The following MMAB variants were observed in gnomAD, a reference collection of about 807,000 sequenced individuals.
MMAB encodes metabolism of cobalamin associated B.
A neutral mutation model predicts 30.6 loss-of-function variants in MMAB; 17 were observed. The ratio of observed to expected loss-of-function variants is 0.56; its 90% CI spans 0.38 to 0.83. The LOEUF (loss-of-function observed/expected upper bound fraction) is 0.83. MMAB is among the 40% of genes least tolerant of loss of function. The pLI is 0.00. For missense variants in MMAB, 311 were observed against 331.6 expected (o/e 0.94, Z 0.48); for synonymous variants, 134 against 138.6 (o/e 0.97, Z 0.23).
rs932446735 is a variant in MMAB at position 109,561,396 on chromosome 12, C to A, written c.519+24G>T. On this transcript the variant is annotated intron_variant, in intron 6 of 8. Coordinates refer to ENST00000545712, the MANE Select transcript of MMAB (RefSeq NM_052845.4). This position sits in a 1 kb window ranked among gnomAD's most constrained non-coding sequence, Gnocchi z 5.3. ...CACTGAACCTGCCTGCAGCCGCCCC[C>A]GGTTAAGCCTGCCCAGTACCTACAG... The A allele has an allele frequency of 6.5e-7, 1 of 1,548,702 alleles. No homozygotes were observed. Among genetic ancestry groups the A allele is most frequent in the African/African-American group, 1.4e-5 (1 of 73,026 alleles).
chr12:109,564,876 ATTATG>A (rs1159999672), intron 4 of MMAB: 4 of 610,040 alleles, frequency 6.6e-6, no homozygotes, highest in Non-Finnish European at 1.2e-5. Flanking sequence ...TCAGGGTCTT[ATTATG>A]TTACCTAGGC....
At chr12:109,566,278 C>A (rs774608914) in intron 3 of MMAB, among the ~76,000 whole-genome samples, 1 of 152,230 alleles carries the variant, frequency 6.6e-6, no homozygotes, top group Non-Finnish European at 1.5e-5. Flanking sequence ...GGCACAGCCA[C>A]CAGGTGATAA....
At chr12:109,567,313 CAGAA>C in intron 3 of MMAB, 1 of 331,584 alleles carries the variant, frequency 3.0e-6, no homozygotes, top group Non-Finnish European at 6.0e-6. Flanking sequence ...GACTACTTGA[CAGAA>C]CCGTAAACTG....
chr12:109,561,097 C>T lies in MMAB; in HGVS notation c.527G>A (p.Gly176Asp). 6.2e-7 allele frequency: 1 copy of T among 1,610,496 alleles called. No homozygotes were observed. The highest frequency in any genetic ancestry group is 8.5e-7 in the Non-Finnish European group (1 of 1,179,988). Residue 176 changes from glycine to aspartate, a missense_variant, in exon 7 of 9, where the codon GGC (glycine) becomes GAC (aspartate). Physicochemically the swap from Gly to Asp is moderately conservative, Grantham distance 94. Coordinates refer to ENST00000545712, the MANE Select transcript of MMAB (RefSeq NM_052845.4). The surrounding 1 kb of genome is among the most constrained non-coding windows in gnomAD (Gnocchi z 5.3). Reference sequence around the variant, plus strand: ...GAAATGCAGCGCCGAGCTGATCTTGCCTCCCGACTGAAAGGAGAAAGGGAC... The same window carrying T: ...GAAATGCAGCGCCGAGCTGATCTTGTCTCCCGACTGAAAGGAGAAAGGGAC... ...PLTAFILPSG[G>D]KISSALHFCR... is the part of the protein sequence containing the mutation.
chr12:109,573,183 T>C, intron 1 of MMAB, 164 bp downstream of exon 1: 1 of 844,864 alleles, frequency 1.2e-6, no homozygotes. Flanking sequence ...GACTACCTGG[T>C]CTCTGGCGCC....
rs758227262 is a variant in MMAB at position 109,561,704 on chromosome 12, G to A, written c.421+76C>T. 4.1e-5 allele frequency: 58 copies of A among 1,427,574 alleles called. No homozygotes were observed. Among genetic ancestry groups the A allele is most frequent in the Non-Finnish European group, 5.3e-5 (55 of 1,034,276 alleles). 88.4% of individuals were successfully genotyped at this position (1,427,574 alleles called of 1,614,324 possible). On this transcript the variant is annotated intron_variant, in intron 5 of 8. Coordinates refer to ENST00000545712, the MANE Select transcript of MMAB (RefSeq NM_052845.4). The surrounding 1 kb of genome is among the most constrained non-coding windows in gnomAD (Gnocchi z 5.3). ...CCACCCGTGGGTCCCTGGGGGCCTG[G>A]GATCCCAGATGGTGACCCTAGGAGA...
chr12:109,563,281 G>C (rs185862760), intron 4 of MMAB, among the ~76,000 whole-genome samples: 65 of 152,256 alleles, frequency 4.3e-4, no homozygotes, highest in African/African-American at 1.5e-3. Flanking sequence ...CCTGGCTGTG[G>C]GGGCTGGGCA....
intron 4 of MMAB, among the ~76,000 whole-genome samples, chr12:109,563,267 G>T (rs1884280436): frequency 6.6e-6 from 1 of 152,258 alleles, no homozygotes. Flanking sequence ...CAGCTCTACT[G>T]ATGCCTGGCT....
intron 3 of MMAB, 130 bp downstream of exon 3, chr12:109,568,640 G>A: frequency 2.5e-6 from 2 of 788,088 alleles, no homozygotes; most frequent in Non-Finnish European, 4.6e-6. Flanking sequence ...GTGCTTCAGG[G>A]CTGAGGAAAG....
intron 1 of MMAB, among the ~76,000 whole-genome samples, chr12:109,572,501 C>T (rs1566138493): frequency 2.0e-5 from 3 of 151,308 alleles, no homozygotes; most frequent in Admixed American, 6.6e-5. Context: ...ATACTCCTGC[C>T]TCAAACTCCC....
At position 109,556,982 on chromosome 12, in the gene MMAB, GGCCATCGCCA is replaced by G; in HGVS notation, c.*36_*45del. ...CAGAAGGGCAAGCTCCTCTCTCCACGGCCATCGCCATGGAGGGATCCTCCAAGCTCCCACT... is the reference window on the plus strand; with the variant it reads ...CAGAAGGGCAAGCTCCTCTCTCCACGTGGAGGGATCCTCCAAGCTCCCACT... On this transcript the variant is annotated 3_prime_UTR_variant, in exon 9 of 9. Coordinates refer to ENST00000545712, the MANE Select transcript of MMAB (RefSeq NM_052845.4). 7.6e-7 allele frequency: 1 copy of G among 1,322,690 alleles called. No homozygotes were observed. The highest frequency in any genetic ancestry group is 2.3e-5 in the East Asian group (1 of 43,564). 81.9% of individuals were successfully genotyped at this position (1,322,690 alleles called of 1,614,324 possible).
rs1884010525 is a variant in MMAB at position 109,557,169 on chromosome 12, T to C, written c.645-33A>G. On this transcript the variant is annotated intron_variant, in intron 8 of 8. Coordinates refer to ENST00000545712, the MANE Select transcript of MMAB (RefSeq NM_052845.4). ...GGCAGAGAGAGAGAAGCAAACAGAA[T>C]GGTTTGAAATGAGAGATCAACGCTA... 9 of 1,426,372 alleles carry C rather than the reference T, an allele frequency of 6.3e-6. No homozygotes were observed. In the East Asian group the frequency reaches 1.8e-4, roughly 29 times the overall value. 88.4% of individuals were successfully genotyped at this position (1,426,372 alleles called of 1,614,324 possible). A position where few individuals can be genotyped will look rare whatever the true frequency, so the allele number is the denominator to read the frequency against.
rs1884375095 is a variant in MMAB, at chr12:109,565,181, G to C, written c.291-5C>G. On this transcript the variant is annotated splice_polypyrimidine_tract_variant and splice_region_variant and intron_variant, in intron 3 of 8. Transcript: ENST00000545712. ...GTGACTAATTCCAGAGCAAACCTATGAAGAAAAAGGAAAAAGAATTTGCCT... is the reference window on the plus strand; with the variant it reads ...GTGACTAATTCCAGAGCAAACCTATCAAGAAAAAGGAAAAAGAATTTGCCT... The C allele has an allele frequency of 1.9e-6, 3 of 1,612,650 alleles. No individual in the cohort carries two copies. Among genetic ancestry groups the C allele is most frequent in the Non-Finnish European group, 2.5e-6 (3 of 1,178,834 alleles).
intron 4 of MMAB, chr12:109,564,886 C>A: frequency 1.6e-6 from 1 of 624,386 alleles, no homozygotes; most frequent in Non-Finnish European, 2.9e-6. Context: ...ATTATGTTAC[C>A]TAGGCTCCTG....
rs755214322 is a variant in MMAB, at chr12:109,554,863, C to T, written c.*2165G>A. The stretch of plus-strand genomic sequence containing the variant: ...CTCCATTTTTCCCAGGTTGGTAGCA[C>T]AGGAGAGAAACACCTGCTGAGTGGT... On this transcript the variant is annotated 3_prime_UTR_variant, in exon 9 of 9. Transcript: ENST00000545712. 21 of 453,926 alleles carry T rather than the reference C, an allele frequency of 4.6e-5. No individual in the cohort carries two copies. Among genetic ancestry groups the T allele is most frequent in the South Asian group, 2.8e-4 (18 of 64,476 alleles). The allele number at this position is 453,926 out of a possible 1,614,324, so 28.1% of individuals were successfully genotyped here.
chr12:109,555,143 CTGTGT>C lies in MMAB; in HGVS notation c.*1880_*1884del, dbSNP rs1319504429. 2 of 449,816 alleles carry C rather than the reference CTGTGT, an allele frequency of 4.4e-6. No homozygotes were observed. The highest frequency in any genetic ancestry group is 3.1e-5 in the South Asian group (2 of 64,364). 27.9% of individuals were successfully genotyped at this position (449,816 alleles called of 1,614,324 possible). On this transcript the variant is annotated 3_prime_UTR_variant, in exon 9 of 9. Coordinates refer to ENST00000545712, the MANE Select transcript of MMAB (RefSeq NM_052845.4). ...TCCCATGGCTAGGCATGCAGGGCTG[CTGTGT>C]TATTTTATATATATATATATATTCC...
chr12:109,567,056 T>G (rs1190117228), intron 3 of MMAB: 1 of 454,994 alleles, frequency 2.2e-6, no homozygotes, highest in Admixed American at 2.4e-5. Context: ...AACAGGTAAG[T>G]GTTAAGAATA....
At chr12:109,564,968 T>C (rs746260598) in intron 4 of MMAB, 151 bp downstream of exon 4, 125 of 774,510 alleles carry the variant, frequency 1.6e-4, no homozygotes, top group Non-Finnish European at 2.7e-4. Context: ...ATACCTGGCC[T>C]GTCCGCATTT....
In MMAB at chr12:109,571,660, G is replaced by A. The variant is rs115802744; in HGVS notation, c.185C>T (p.Thr62Met). The A allele has an allele frequency of 1.3e-3, 2,031 of 1,614,054 alleles. 31 individuals are homozygous for A. The African/African-American group carries it at 0.023, about 19-fold the overall frequency. ...TGTCCCCACCCTACCTTTGTCTCCC[G>A]TTTTGGTGTAAATCTTGGGGATCCT... ...TPRIPKIYTK[T>M]GDKGFSSTFT... The change falls in exon 2 of 9, where the codon ACG becomes ATG. Residue 62 changes from threonine (T) to methionine (M), a missense_variant. Coordinates refer to ENST00000545712, the MANE Select transcript of MMAB (RefSeq NM_052845.4).
Sources: allele counts gnomAD v4.1 joint callset (sites outside exome capture counted in the v4.1 genomes callset), GRCh38; gene constraint gnomAD v4.1.1; non-coding constraint Gnocchi (gnomAD v3.1); transcripts MANE v1.5; gene names NCBI Gene and HGNC (gene_info 2026-07-23, HGNC 2026-07-21).